Variants in AGMO observed in about 807,000 individuals in gnomAD.
The protein encoded by AGMO is glyceryl-ether monooxygenase.
Under a neutral mutation model 60.2 loss-of-function variants are expected in AGMO, and 75 were observed. The observed-to-expected ratio is 1.25, with a 90% confidence interval of 1.03 to 1.51. The LOEUF is 1.51. AGMO is among the 40% of genes most tolerant of loss of function. The pLI is 0.00. For synonymous variants in AGMO, 261 were observed against 177.1 expected (o/e 1.47, Z -3.76); for missense variants, 763 against 525.5 (o/e 1.45, Z -4.42).
intron 12 of AGMO, among the ~76,000 whole-genome samples, chr7:15,290,035 T>C (rs908394738): frequency 8.2e-6 from 1 of 121,398 alleles, no homozygotes; most frequent in Non-Finnish European, 1.5e-5. Context: ...TAAGTTGATT[T>C]TTTTTTTTTT....
chr7:15,126,096 C>G, the AGMO span, among the ~76,000 whole-genome samples: 1 of 152,036 alleles, frequency 6.6e-6, no homozygotes, highest in Non-Finnish European at 1.5e-5. Context: ...ACACAGAAGC[C>G]TCCTTCAGAT....
chr7:15,465,592 T>C (rs1325627786), intron 3 of AGMO, among the ~76,000 whole-genome samples: 1 of 147,328 alleles, frequency 6.8e-6, no homozygotes, highest in African/African-American at 2.5e-5. Flanking sequence ...CGGCTAATTA[T>C]ATATATATAT....
At chr7:15,367,123 G>C (rs1360805543) in intron 10 of AGMO, among the ~76,000 whole-genome samples, 1 of 151,846 alleles carries the variant, frequency 6.6e-6, no homozygotes, top group African/African-American at 2.4e-5. Context: ...TCAGTCAAAG[G>C]ACTTTCCTTT....
chr7:15,487,147 T>C (rs1320120675), intron 3 of AGMO, among the ~76,000 whole-genome samples: 1 of 152,220 alleles, frequency 6.6e-6, no homozygotes, highest in Non-Finnish European at 1.5e-5. Flanking sequence ...CTATCAAATA[T>C]TTTTAAATAA....
the AGMO span, among the ~76,000 whole-genome samples, chr7:15,134,259 C>T: frequency 3.9e-5 from 6 of 152,112 alleles, no homozygotes; most frequent in Non-Finnish European, 7.4e-5. Flanking sequence ...ACCTACTGAG[C>T]TCAAGTGATC....
rs367953278 is a variant in AGMO, at chr7:15,499,907, G to GCACACACACA, written c.409+44855_409+44864dup. ...GGAATGGGAATATTATATGTATTAC[G>GCACACACACA]CACACACACACACACACACACACAC... On this transcript the variant is annotated intron_variant, in intron 3 of 12. Coordinates refer to ENST00000342526, the MANE Select transcript of AGMO (RefSeq NM_001004320.2). Among the ~76,000 whole-genome samples the GCACACACACA allele has an allele frequency of 6.7e-4, 92 of 137,730 alleles. 1 individual carries two copies. Among genetic ancestry groups the GCACACACACA allele is most frequent in the African/African-American group, 1.8e-3 (69 of 37,816 alleles). The allele number at this position is 137,730 out of a possible 152,430, so 90.4% of individuals were successfully genotyped here. A position where few individuals can be genotyped will look rare whatever the true frequency, so the allele number is the denominator to read the frequency against.
chr7:15,313,203 C>T (rs1039498691), intron 12 of AGMO, among the ~76,000 whole-genome samples: 1 of 152,158 alleles, frequency 6.6e-6, no homozygotes, highest in Non-Finnish European at 1.5e-5. Flanking sequence ...GCATGTTTCT[C>T]ACTGATCCCC....
chr7:15,419,221 G>A (rs1247687148), intron 4 of AGMO, among the ~76,000 whole-genome samples: 1 of 151,702 alleles, frequency 6.6e-6, no homozygotes, highest in African/African-American at 2.4e-5. Flanking sequence ...ATGGTTCCAT[G>A]GTGAAAAAAA....
At chr7:15,184,319 G>C in the AGMO span, among the ~76,000 whole-genome samples, 23 of 114,826 alleles carry the variant, frequency 2.0e-4, no homozygotes, top group East Asian at 1.0e-3. Context: ...GGGAGGGAAG[G>C]AGGGAAGGAG....
chr7:15,554,465 G>A (rs1562570771), intron 2 of AGMO, among the ~76,000 whole-genome samples: 1 of 151,848 alleles, frequency 6.6e-6, no homozygotes, highest in Non-Finnish European at 1.5e-5. Flanking sequence ...CCTCTAATTA[G>A]CAACCTGCAT....
At chr7:15,206,478 C>G (rs1012844723) in intron 12 of AGMO, among the ~76,000 whole-genome samples, 6 of 152,042 alleles carry the variant, frequency 3.9e-5, no homozygotes, top group African/African-American at 1.4e-4. Flanking sequence ...CAAGAGAGAA[C>G]ACAATCACAG....
chr7:15,248,995 A>C (rs1298695467), intron 12 of AGMO, among the ~76,000 whole-genome samples: 1 of 152,188 alleles, frequency 6.6e-6, no homozygotes, highest in Non-Finnish European at 1.5e-5. Context: ...CAGTTTAACA[A>C]ATGAGTATGG....
chr7:15,202,887 C>T (rs540620630), intron 12 of AGMO, among the ~76,000 whole-genome samples: 2 of 152,144 alleles, frequency 1.3e-5, no homozygotes, highest in South Asian at 2.1e-4. Flanking sequence ...CAATGAGTTG[C>T]ATTTGTCCAT....
chr7:15,216,614 T>G (rs188185117), intron 12 of AGMO, among the ~76,000 whole-genome samples: 1 of 152,198 alleles, frequency 6.6e-6, no homozygotes, highest in East Asian at 1.9e-4. Flanking sequence ...GTCACTAAAA[T>G]TCAATATAAT....
chr7:15,369,915 A>T (rs543170638), intron 10 of AGMO, among the ~76,000 whole-genome samples: 1 of 152,260 alleles, frequency 6.6e-6, no homozygotes, highest in Non-Finnish European at 1.5e-5. Flanking sequence ...TTACAAATTC[A>T]AATTTTATTT....
At chr7:15,126,916 T>C in the AGMO span, among the ~76,000 whole-genome samples, 1 of 152,086 alleles carries the variant, frequency 6.6e-6, no homozygotes, top group Non-Finnish European at 1.5e-5. Context: ...ATCTGAGAGC[T>C]TCCTCTGCAC....
intron 4 of AGMO, among the ~76,000 whole-genome samples, chr7:15,429,856 C>T (rs1781177219): frequency 6.6e-6 from 1 of 151,952 alleles, no homozygotes; most frequent in South Asian, 2.1e-4. Context: ...CTTCAGTTCC[C>T]TGAGAATGAT....
Position 15,354,381 on chromosome 7 carries a change from C to CGTGTGTATATAG in AGMO, c.1263+11132_1263+11133insCTATATACACAC, listed in dbSNP as rs1782392839. On this transcript the variant is annotated intron_variant, in intron 12 of 12. Transcript: ENST00000342526. ...ACGTGTGTATATAGACGTGTGTATA[C>CGTGTGTATATAG]ACGTGTGTGTATACACGTGTGTGTA... 1.2e-3 allele frequency among the ~76,000 whole-genome samples: 17 copies of CGTGTGTATATAG among 14,360 alleles called. 1 individual carries two copies. The highest frequency in any genetic ancestry group is 1.7e-3 in the Non-Finnish European group (14 of 8,446). 9.4% of individuals were successfully genotyped at this position (14,360 alleles called of 152,430 possible). A position where few individuals can be genotyped will look rare whatever the true frequency, so the allele number is the denominator to read the frequency against.
At chr7:15,369,958 C>T (rs1028560301) in intron 10 of AGMO, among the ~76,000 whole-genome samples, 1 of 152,032 alleles carries the variant, frequency 6.6e-6, no homozygotes, top group Non-Finnish European at 1.5e-5. Context: ...AGGTTTGTTA[C>T]ATTAGTATAT....
Sources: allele counts gnomAD v4.1 joint callset (sites outside exome capture counted in the v4.1 genomes callset), GRCh38; gene constraint gnomAD v4.1.1; transcripts MANE v1.5; gene names NCBI Gene and HGNC (gene_info 2026-07-23, HGNC 2026-07-21).